The following CHEK1 variants were observed in gnomAD, a reference collection of about 807,000 sequenced individuals.
The protein encoded by CHEK1 is checkpoint kinase 1.
CHEK1 carries 32 observed loss-of-function variants against 60.2 expected under a neutral mutation model. The observed-to-expected ratio is 0.53, with a 90% CI of 0.40 to 0.71. The LOEUF is 0.71. Among genes scored for constraint, CHEK1 ranks in the 30% least tolerant of loss-of-function variants. The pLI, the probability that CHEK1 is intolerant of heterozygous loss-of-function variation, is 0.00. For missense variants in CHEK1, 399 were observed against 564.6 expected (o/e 0.71, Z 2.97); for synonymous variants, 179 against 187.2 (o/e 0.96, Z 0.36).
downstream of CHEK1, chr11:125,680,850 G>A (rs113374162): frequency 4.9e-5 from 65 of 1,318,858 alleles, no homozygotes; most frequent in African/African-American, 5.0e-4. Context: ...AGCAAACTGC[G>A]AGCAAAAGCT....
intron 11 of CHEK1, among the ~76,000 whole-genome samples, chr11:125,652,629 C>G (rs779320133): frequency 1.3e-5 from 2 of 152,088 alleles, no homozygotes; most frequent in Non-Finnish European, 2.9e-5. Flanking sequence ...AAGAGAGACT[C>G]TGGAATGAGT....
chr11:125,656,263 A>G lies in CHEK1; in HGVS notation c.*943A>G, dbSNP rs1941899230. The G allele has an allele frequency of 4.6e-6, 1 of 216,450 alleles. No individual in the cohort carries two copies. Among genetic ancestry groups the G allele is most frequent in the Non-Finnish European group, 9.3e-6 (1 of 107,600 alleles). 13.4% of individuals were successfully genotyped at this position (216,450 alleles called of 1,614,324 possible). A position where few individuals can be genotyped will look rare whatever the true frequency, so the allele number is the denominator to read the frequency against. ...CTACTTAGGAGGCTGAGAGAGGAGG[A>G]TCGCGTGAACCTGGAAGTTTGAGGC... On this transcript the variant is annotated 3_prime_UTR_variant, in exon 13 of 13. Coordinates refer to ENST00000438015, the MANE Select transcript of CHEK1 (RefSeq NM_001114122.3).
At chr11:125,626,504 G>A (rs3731395) in intron 1 of CHEK1, 41,607 of 530,186 alleles carry the variant, frequency 0.078, 2,577 homozygotes, top group African/African-American at 0.24. Flanking sequence ...ATTTCCTCTG[G>A]GGCCTGAGGA....
chr11:125,647,547 A>G (rs1404791108), intron 11 of CHEK1, among the ~76,000 whole-genome samples: 3 of 151,732 alleles, frequency 2.0e-5, no homozygotes, highest in Non-Finnish European at 1.5e-5. Context: ...GGATTATCTT[A>G]TTTCTGCAAG....
At position 125,656,473 on chromosome 11, in the gene CHEK1, T is replaced by C. The variant is rs1361742416; in HGVS notation, c.*1153T>C. The C allele has an allele frequency of 9.3e-6, 2 of 215,502 alleles. No individual in the cohort carries two copies. The highest frequency in any genetic ancestry group is 1.9e-4 in the South Asian group (1 of 5,360). 13.3% of individuals were successfully genotyped at this position (215,502 alleles called of 1,614,324 possible). On this transcript the variant is annotated 3_prime_UTR_variant, in exon 13 of 13. Transcript: ENST00000438015. ...CATATTAATGTATACTGGCAAATTG[T>C]GTTACTGGAGTATACCCATAGGAGG...
chr11:125,627,514 A>T, intron 2 of CHEK1, 93 bp from the exon 3 acceptor site: 2 of 988,840 alleles, frequency 2.0e-6, no homozygotes, highest in Non-Finnish European at 2.9e-6. Flanking sequence ...AAAAAGTAAT[A>T]GAGGTAAAAT....
At chr11:125,643,006 C>T (rs1941361667) in intron 8 of CHEK1, 1 of 152,112 alleles carries the variant, frequency 6.6e-6, no homozygotes, top group Admixed American at 6.5e-5. Context: ...CGTCATTTTC[C>T]ATATAATATT....
chr11:125,660,148 C>G (rs1301436587), downstream of CHEK1, among the ~76,000 whole-genome samples: 1 of 152,152 alleles, frequency 6.6e-6, no homozygotes, highest in Non-Finnish European at 1.5e-5. Flanking sequence ...TGTGCACATT[C>G]TTTTACAGCT....
At chr11:125,680,832 A>C, downstream of CHEK1, 1 of 1,491,852 alleles carries the variant, frequency 6.7e-7, no homozygotes. Context: ...TTCTTCACAG[A>C]GCTATGAAGC....
rs188389111 is a variant in CHEK1, at chr11:125,641,148, C to T, written c.815-2644C>T. On this transcript the variant is annotated intron_variant, in intron 8 of 12. Coordinates refer to ENST00000438015, the MANE Select transcript of CHEK1 (RefSeq NM_001114122.3). ...CTTTCAGGCATCCACTTGAACATAT[C>T]CCTCTGTGGATAAGGGGGGTACTAC... Among the ~76,000 whole-genome samples the T allele has an allele frequency of 3.3e-5, 5 of 152,284 alleles. No homozygotes were observed. In the East Asian group the frequency reaches 9.7e-4, roughly 29 times the overall value.
downstream of CHEK1, chr11:125,676,421 C>T (rs556944870): frequency 5.0e-5 from 80 of 1,614,068 alleles, no homozygotes; most frequent in East Asian, 2.0e-4. Flanking sequence ...TCCCTCTCCA[C>T]GAAGACATTT....
chr11:125,625,636 G>A lies in CHEK1; in HGVS notation c.-397G>A, dbSNP rs750672367. 5.0e-6 allele frequency: 3 copies of A among 595,488 alleles called. No individual in the cohort carries two copies. The highest frequency in any genetic ancestry group is 3.0e-6 in the Non-Finnish European group (1 of 332,958). 36.9% of individuals were successfully genotyped at this position (595,488 alleles called of 1,614,324 possible). A position where few individuals can be genotyped will look rare whatever the true frequency, so the allele number is the denominator to read the frequency against. On this transcript the variant is annotated 5_prime_UTR_variant, in exon 1 of 13. Coordinates refer to ENST00000438015, the MANE Select transcript of CHEK1 (RefSeq NM_001114122.3). The stretch of plus-strand genomic sequence containing the variant: ...CCGCAGCCCCGCCTGGAAGCGCAGC[G>A]CGGTCGGTCGCGCGCCCCTGAGGCT...
Position 125,656,879 on chromosome 11 carries a change from C to G in CHEK1, c.*1559C>G, listed in dbSNP as rs11220176. On this transcript the variant is annotated 3_prime_UTR_variant, in exon 13 of 13. Transcript: ENST00000438015. ...TTTGTATAGAATGGTGGGAAAATTT[C>G]AAGTTTCATATTTGGATTAGCTCTG... 5.5e-3 allele frequency: 1,148 copies of G among 209,286 alleles called. 13 individuals are homozygous for G. Among genetic ancestry groups the G allele is most frequent in the African/African-American group, 0.023 (1,014 of 44,094 alleles). 13.0% of individuals were successfully genotyped at this position (209,286 alleles called of 1,614,324 possible). A position where few individuals can be genotyped will look rare whatever the true frequency, so the allele number is the denominator to read the frequency against.
rs1941432498 is a variant in CHEK1 at position 125,644,638 on chromosome 11, A to G, written c.1228A>G (p.Asn410Asp). Residue 410 changes from asparagine to aspartate, a missense_variant, in exon 11 of 13, where the codon AAT becomes GAT. Transcript: ENST00000438015. ...LGYQWKKSCMNQVTISTTDRR... is the reference protein window; with the variant it reads ...LGYQWKKSCMDQVTISTTDRR... ...CTATCAATGGAAGAAAAGTTGTATG[A>G]ATCAGGTGTGTTTCATTGATTTTCA... is the stretch of plus-strand genomic sequence containing the variant. 1 of 1,613,484 alleles carries G rather than the reference A, an allele frequency of 6.2e-7. No individual in the cohort carries two copies. Among genetic ancestry groups the G allele is most frequent in the Non-Finnish European group, 8.5e-7 (1 of 1,179,852 alleles).
At chr11:125,638,888 G>A (rs571507547) in intron 8 of CHEK1, among the ~76,000 whole-genome samples, 3 of 152,170 alleles carry the variant, frequency 2.0e-5, no homozygotes, top group African/African-American at 7.2e-5. Flanking sequence ...CTCTCCTATA[G>A]TGATGTTGTC....
At chr11:125,630,285 T>G (rs1940812502) in intron 5 of CHEK1, among the ~76,000 whole-genome samples, 1 of 151,996 alleles carries the variant, frequency 6.6e-6, no homozygotes, top group Non-Finnish European at 1.5e-5. Context: ...TTATTCTTAG[T>G]ATTAGAATAG....
At chr11:125,661,794 A>G (rs75089443), downstream of CHEK1, among the ~76,000 whole-genome samples, 3,133 of 152,086 alleles carry the variant, frequency 0.021, 84 homozygotes, top group African/African-American at 0.068. Flanking sequence ...TTTATATACA[A>G]TTGTCTATTT....
chr11:125,633,336 G>A lies in CHEK1; in HGVS notation c.598G>A (p.Ala200Thr), dbSNP rs2135990386. Residue 200 changes from alanine to threonine, a missense_variant, in exon 6 of 13, where the codon GCA (alanine) becomes ACA (threonine). Ala to Thr is a moderately conservative substitution (Grantham distance 58). Around this residue, in one of 2 missense-constraint regions of CHEK1, gnomAD observed 370 missense variants for 494.8 expected, o/e 0.75. Coordinates refer to ENST00000438015, the MANE Select transcript of CHEK1 (RefSeq NM_001114122.3). ...DVWSCGIVLT[A>T]MLAGELPWDQ... ...TTGGTCCTGTGGAATAGTACTTACTGCAATGCTCGCTGGAGGTAAGAGCTA... is the reference window on the plus strand; with the variant it reads ...TTGGTCCTGTGGAATAGTACTTACTACAATGCTCGCTGGAGGTAAGAGCTA... 1 of 1,558,328 alleles carries A rather than the reference G, an allele frequency of 6.4e-7. No homozygotes were observed. The highest frequency in any genetic ancestry group is 2.2e-5 in the Admixed American group (1 of 46,510).
downstream of CHEK1, chr11:125,677,990 T>A (rs771971251): frequency 6.2e-7 from 1 of 1,613,512 alleles, no homozygotes; most frequent in African/African-American, 1.3e-5. Context: ...GGTGTTCACC[T>A]GAAGGCTGTT....
Sources: allele counts gnomAD v4.1 joint callset (sites outside exome capture counted in the v4.1 genomes callset), GRCh38; gene constraint gnomAD v4.1.1; regional missense constraint gnomAD v4.1.1; transcripts MANE v1.5; gene names NCBI Gene and HGNC (gene_info 2026-07-23, HGNC 2026-07-21).